The following ANKFN1 variants were observed in gnomAD, a reference collection of about 807,000 sequenced individuals.
ANKFN1 encodes the protein ankyrin repeat and fibronectin type-III domain-containing protein 1.
ANKFN1 carries 74 observed loss-of-function variants against 108.7 expected under a neutral mutation model. That is an observed-to-expected ratio of 0.68 (90% CI 0.56 to 0.83). The LOEUF (loss-of-function observed/expected upper bound fraction) is 0.83. Ranked by LOEUF, ANKFN1 falls within the 40% of genes least tolerant of loss-of-function variation. The pLI, the probability that ANKFN1 is intolerant of heterozygous loss-of-function variation, is 0.00. For synonymous variants in ANKFN1, 547 were observed against 516.2 expected (o/e 1.06, Z -0.81); for missense variants, 1,505 against 1,382.3 (o/e 1.09, Z -1.41).
intron 8 of ANKFN1, among the ~76,000 whole-genome samples, chr17:56,410,256 T>C (rs992756761): frequency 6.6e-6 from 1 of 152,046 alleles, no homozygotes; most frequent in African/African-American, 2.4e-5. Flanking sequence ...TTGCATTTTT[T>C]GGTAGAGATG....
chr17:56,167,061 A>T lies in ANKFN1; in HGVS notation c.-71+13531A>T, dbSNP rs1010311778. ...ATGACTTGTTTAACAGAAGGAAGAAAGGAAGAAATGGAGATAAAGAGAGAA... is the reference window on the plus strand; with the variant it reads ...ATGACTTGTTTAACAGAAGGAAGAATGGAAGAAATGGAGATAAAGAGAGAA... On this transcript the variant is annotated intron_variant, in intron 1 of 20. Coordinates refer to ENST00000682825, the MANE Select transcript of ANKFN1 (RefSeq NM_001370326.1). Among the ~76,000 whole-genome samples, 10 of 152,058 alleles carry T rather than the reference A, an allele frequency of 6.6e-5. No homozygotes were observed. The East Asian group carries it at 1.9e-3, about 29-fold the overall frequency.
intron 4 of ANKFN1, among the ~76,000 whole-genome samples, chr17:56,113,250 G>A (rs1906076331): frequency 1.3e-5 from 2 of 152,102 alleles, no homozygotes; most frequent in Non-Finnish European, 2.9e-5. Flanking sequence ...GGTGGACCTA[G>A]CCTTATCTTT....
intron 4 of ANKFN1, among the ~76,000 whole-genome samples, chr17:56,146,591 G>A (rs999153786): frequency 6.6e-6 from 1 of 152,290 alleles, no homozygotes; most frequent in South Asian, 2.1e-4. Flanking sequence ...TGAGACTTAG[G>A]GTTTGCACCC....
rs186624766 is a variant in ANKFN1 at position 56,365,051 on chromosome 17, T to A, written c.602-7595T>A. Among the ~76,000 whole-genome samples, 269 of 152,344 alleles carry A rather than the reference T, an allele frequency of 1.8e-3. 1 individual carries two copies. Among genetic ancestry groups the A allele is most frequent in the African/African-American group, 6.1e-3 (253 of 41,588 alleles). Reference sequence around the variant, plus strand: ...AATTAAAAGTATTTAATTTTTAGAATTCCCCTACATTACTTTGCCATTCCT... The same window carrying A: ...AATTAAAAGTATTTAATTTTTAGAAATCCCCTACATTACTTTGCCATTCCT... On this transcript the variant is annotated intron_variant, in intron 6 of 20. Transcript: ENST00000682825.
chr17:56,055,756 G>A (rs1221389622), intron 4 of ANKFN1, among the ~76,000 whole-genome samples: 5 of 150,618 alleles, frequency 3.3e-5, no homozygotes, highest in Non-Finnish European at 7.4e-5. Flanking sequence ...TTAGATTGCT[G>A]GGTTGAATGG....
chr17:56,501,551 A>G lies in ANKFN1; in HGVS notation c.2644+2453A>G, dbSNP rs1388655535. ...CATGTTGAATTTGCGTTGGCTTTGG[A>G]ACATTCCGTAAAAAAGAAACATTCA... On this transcript the variant is annotated intron_variant, in intron 20 of 20. Coordinates refer to ENST00000682825, the MANE Select transcript of ANKFN1 (RefSeq NM_001370326.1). 1.3e-5 allele frequency among the ~76,000 whole-genome samples: 2 copies of G among 152,188 alleles called. 1 individual carries two copies. The highest frequency in any genetic ancestry group is 2.9e-5 in the Non-Finnish European group (2 of 68,036).
In ANKFN1 at chr17:56,189,490, C is replaced by T. The variant is rs186141017; in HGVS notation, c.-70-23108C>T. The stretch of plus-strand genomic sequence containing the variant: ...CGGCCTGCCCTGACTTTTTGTGAGC[C>T]ATTATAGCAAAGTATCAAATGTGAG... On this transcript the variant is annotated intron_variant, in intron 1 of 20. Transcript: ENST00000682825. 3.2e-3 allele frequency among the ~76,000 whole-genome samples: 490 copies of T among 152,222 alleles called. 2 individuals are homozygous for T. The highest frequency in any genetic ancestry group is 0.011 in the African/African-American group (466 of 41,536).
At chr17:56,131,331 A>G (rs1907268772) in intron 4 of ANKFN1, among the ~76,000 whole-genome samples, 1 of 152,176 alleles carries the variant, frequency 6.6e-6, no homozygotes. Flanking sequence ...AGGTTTTTAG[A>G]AGCAGCTTTT....
chr17:56,382,285 A>G (rs904106261), intron 8 of ANKFN1, among the ~76,000 whole-genome samples: 20 of 152,216 alleles, frequency 1.3e-4, no homozygotes, highest in African/African-American at 4.8e-4. Flanking sequence ...ATGCTGAGAG[A>G]TTTTGTCACC....
At chr17:56,170,807 T>TATACACACACACAC (rs1361307404) in intron 1 of ANKFN1, among the ~76,000 whole-genome samples, 6 of 61,458 alleles carry the variant, frequency 9.8e-5, no homozygotes, top group East Asian at 9.8e-4. Flanking sequence ...TATATATATA[T>TATACACACACACAC]ACACACACAC....
chr17:56,350,147 G>A (rs889245412), intron 4 of ANKFN1, among the ~76,000 whole-genome samples: 4 of 152,114 alleles, frequency 2.6e-5, no homozygotes, highest in African/African-American at 9.7e-5. Flanking sequence ...CCCCAGCCAG[G>A]GTATCTGGGG....
At chr17:56,361,337 G>A (rs989208625) in intron 6 of ANKFN1, among the ~76,000 whole-genome samples, 1 of 152,052 alleles carries the variant, frequency 6.6e-6, no homozygotes, top group African/African-American at 2.4e-5. Context: ...TATATCCATT[G>A]TTATCAGTTT....
chr17:56,384,410 A>T (rs1300150890), intron 8 of ANKFN1, among the ~76,000 whole-genome samples: 3 of 152,200 alleles, frequency 2.0e-5, no homozygotes, highest in Non-Finnish European at 4.4e-5. Flanking sequence ...TCCCTTTGAA[A>T]ACTGGCACAA....
At chr17:56,296,268 T>C (rs886558513) in intron 3 of ANKFN1, among the ~76,000 whole-genome samples, 11 of 152,116 alleles carry the variant, frequency 7.2e-5, no homozygotes, top group Non-Finnish European at 1.3e-4. Flanking sequence ...ACTAGATTAT[T>C]AAGAATCTAC....
At chr17:56,337,474 T>C (rs905855164) in intron 4 of ANKFN1, among the ~76,000 whole-genome samples, 8 of 152,050 alleles carry the variant, frequency 5.3e-5, no homozygotes, top group African/African-American at 1.9e-4. Context: ...TGGGATCTAA[T>C]TAAACTAAAG....
chr17:56,164,013 G>T (rs1356667150), intron 1 of ANKFN1, among the ~76,000 whole-genome samples: 1 of 152,174 alleles, frequency 6.6e-6, no homozygotes, highest in East Asian at 1.9e-4. Context: ...GCAATAGCAG[G>T]TGTGACTTTG....
At chr17:56,261,550 CCAAAACCT>C (rs2144123129) in intron 3 of ANKFN1, among the ~76,000 whole-genome samples, 1 of 152,292 alleles carries the variant, frequency 6.6e-6, no homozygotes, top group East Asian at 1.9e-4. Flanking sequence ...AGTCCAAGTC[CCAAAACCT>C]CAAAAGTAGG....
rs748898792 is a variant in ANKFN1, at chr17:56,092,266, ATTT to A, written c.288+45960_288+45962del. Among the ~76,000 whole-genome samples the A allele has an allele frequency of 4.1e-3, 453 of 111,334 alleles. 8 individuals are homozygous for A. Among genetic ancestry groups the A allele is most frequent in the African/African-American group, 0.017 (427 of 24,884 alleles). The allele number at this position is 111,334 out of a possible 152,430, so 73.0% of individuals were successfully genotyped here. On this transcript the variant is annotated intron_variant, in intron 4 of 12. Transcript: ENST00000635860. ...ATGTAGGCACAGGGAGTGAGGTAGT[ATTT>A]TTTTTTTTTTTTTTTTTTGAGATGG...
chr17:56,117,959 C>T (rs1906378408), intron 4 of ANKFN1, among the ~76,000 whole-genome samples: 1 of 152,140 alleles, frequency 6.6e-6, no homozygotes, highest in Non-Finnish European at 1.5e-5. Flanking sequence ...CCATTCCACA[C>T]ATTTCTTATA....
Sources: allele counts gnomAD v4.1 joint callset (sites outside exome capture counted in the v4.1 genomes callset), GRCh38; gene constraint gnomAD v4.1.1; transcripts MANE v1.5; gene names NCBI Gene and HGNC (gene_info 2026-07-23, HGNC 2026-07-21).